Variants in NELL1 observed in about 807,000 individuals in gnomAD.
NELL1 encodes the protein neural EGFL like 1, also known as protein kinase C-binding protein NELL1.
Under a neutral mutation model 107.4 loss-of-function variants are expected in NELL1, and 76 were observed. The observed-to-expected ratio is 0.71, with a 90% CI of 0.59 to 0.86. The LOEUF (loss-of-function observed/expected upper bound fraction) is 0.86. Among genes scored for constraint, NELL1 ranks in the 40% least tolerant of loss-of-function variants. The pLI is 0.00. For missense variants in NELL1, 1,024 were observed against 1,005.5 expected (o/e 1.02, Z -0.25); for synonymous variants, 353 against 341.2 (o/e 1.03, Z -0.38).
intron 2 of NELL1, among the ~76,000 whole-genome samples, chr11:20,773,108 C>T (rs1053749211): frequency 2.6e-5 from 4 of 152,178 alleles, no homozygotes; most frequent in African/African-American, 7.2e-5. Flanking sequence ...ACCATGCCTC[C>T]AACCCTGGCT....
chr11:21,178,918 A>G (rs1045923625), intron 13 of NELL1, among the ~76,000 whole-genome samples: 21 of 151,838 alleles, frequency 1.4e-4, no homozygotes, highest in African/African-American at 4.9e-4. Context: ...AGAGATGGGA[A>G]AGAATGGCTT....
rs148321874 is a variant in NELL1 at position 21,186,841 on chromosome 11, A to C, written c.1427-42491A>C. Among the ~76,000 whole-genome samples the C allele has an allele frequency of 2.5e-3, 376 of 151,938 alleles. 3 individuals carry two copies. Among genetic ancestry groups the C allele is most frequent in the Non-Finnish European group, 4.1e-3 (279 of 68,020 alleles). ...TGTAGGAGAAAGGGAAAAATAAACA[A>C]AAAGCTGCATTTCTACAAACCCTCA... On this transcript the variant is annotated intron_variant, in intron 13 of 19. Transcript: ENST00000357134.
chr11:21,018,074 G>T (rs1852610981), intron 12 of NELL1, among the ~76,000 whole-genome samples: 1 of 152,084 alleles, frequency 6.6e-6, no homozygotes. Context: ...GTCGCATTTG[G>T]AGAGTCCTCT....
chr11:20,687,478 A>T (rs573534817), intron 2 of NELL1, among the ~76,000 whole-genome samples: 1 of 152,144 alleles, frequency 6.6e-6, no homozygotes, highest in Non-Finnish European at 1.5e-5. Context: ...ATGTATAAAC[A>T]TTTACAATTT....
intron 2 of NELL1, among the ~76,000 whole-genome samples, chr11:20,699,993 A>G (rs1023281302): frequency 6.6e-6 from 1 of 151,944 alleles, no homozygotes; most frequent in Non-Finnish European, 1.5e-5. Flanking sequence ...GTAAGGTGGT[A>G]TCTCATTGTG....
At chr11:21,332,553 T>G (rs758929228) in intron 14 of NELL1, among the ~76,000 whole-genome samples, 3 of 152,028 alleles carry the variant, frequency 2.0e-5, no homozygotes, top group Non-Finnish European at 2.9e-5. Flanking sequence ...TTTATACAAT[T>G]ATGATTGCTT....
intron 16 of NELL1, among the ~76,000 whole-genome samples, chr11:21,550,736 T>C (rs1046718859): frequency 2.3e-4 from 35 of 152,248 alleles, no homozygotes; most frequent in Non-Finnish European, 4.3e-4. Context: ...CTGTTTTGGT[T>C]ACTGTAGCCT....
intron 5 of NELL1, among the ~76,000 whole-genome samples, chr11:20,906,723 G>C (rs1201686079): frequency 6.6e-6 from 1 of 151,694 alleles, no homozygotes; most frequent in Admixed American, 6.6e-5. Flanking sequence ...CACATTAATA[G>C]AATAAAGGAA....
At chr11:20,755,877 T>TG (rs1856270232) in intron 2 of NELL1, among the ~76,000 whole-genome samples, 1 of 5,144 alleles carries the variant, frequency 1.9e-4, no homozygotes, top group Non-Finnish European at 7.0e-4. Context: ...TTTTTTTTTT[T>TG]TTTTTTTTTT....
At chr11:20,732,034 C>A (rs1855657671) in intron 2 of NELL1, among the ~76,000 whole-genome samples, 1 of 152,180 alleles carries the variant, frequency 6.6e-6, no homozygotes, top group Non-Finnish European at 1.5e-5. Flanking sequence ...ATGGAGTCCT[C>A]TGGGACCCAT....
At chr11:21,353,272 A>G (rs986045885) in intron 14 of NELL1, among the ~76,000 whole-genome samples, 1 of 152,188 alleles carries the variant, frequency 6.6e-6, no homozygotes, top group Non-Finnish European at 1.5e-5. Context: ...TGAACAGTGG[A>G]AAGTAAAAAT....
rs890686185 is a variant in NELL1, at chr11:20,784,666, T to C, written c.335+836T>C. 5.9e-5 allele frequency among the ~76,000 whole-genome samples: 9 copies of C among 152,330 alleles called. No homozygotes were observed. In the East Asian group the frequency reaches 7.7e-4, roughly 13 times the overall value. On this transcript the variant is annotated intron_variant, in intron 3 of 19. Transcript: ENST00000357134. ...TTTAAGTTTAAGAAAGATCACTCAA[T>C]CATTGAATTCAAATTAATAATCATT...
intron 13 of NELL1, among the ~76,000 whole-genome samples, chr11:21,128,841 CTGTT>C (rs1855549818): frequency 6.6e-6 from 1 of 152,146 alleles, no homozygotes; most frequent in African/African-American, 2.4e-5. Context: ...CTCAAGCAAA[CTGTT>C]TATTTTTTAG....
At chr11:21,438,155 GC>G (rs528994196) in intron 15 of NELL1, among the ~76,000 whole-genome samples, 62 of 152,026 alleles carry the variant, frequency 4.1e-4, no homozygotes, top group Admixed American at 1.6e-3. Flanking sequence ...TTTCTGTAGT[GC>G]CACTCTATTG....
intron 12 of NELL1, among the ~76,000 whole-genome samples, chr11:20,981,368 A>AT (rs374780551): frequency 1.5e-3 from 226 of 152,294 alleles, no homozygotes; most frequent in African/African-American, 5.1e-3. Flanking sequence ...CATCAAAGGT[A>AT]TGTGGGTATG....
At chr11:21,536,920 A>G (rs1564947753) in intron 16 of NELL1, among the ~76,000 whole-genome samples, 1 of 152,152 alleles carries the variant, frequency 6.6e-6, no homozygotes. Context: ...GCTGAGTGGC[A>G]TGTCTGAAGG....
chr11:21,224,721 T>G lies in NELL1; in HGVS notation c.1427-4611T>G, dbSNP rs1252643171. Among the ~76,000 whole-genome samples the G allele has an allele frequency of 8.5e-5, 13 of 152,342 alleles. 1 individual carries two copies. The highest frequency in any genetic ancestry group is 1.2e-4 in the Non-Finnish European group (8 of 68,022). On this transcript the variant is annotated intron_variant, in intron 13 of 19. Transcript: ENST00000357134. ...TCTTCAAGTTTAGAAATTATTCTGC[T>G]TGAACTAGCCTATTATTGACATTCT...
At chr11:21,100,165 C>T (rs925676735) in intron 12 of NELL1, among the ~76,000 whole-genome samples, 30 of 152,014 alleles carry the variant, frequency 2.0e-4, no homozygotes, top group African/African-American at 6.8e-4. Flanking sequence ...TAGAGACATG[C>T]AGCACCACGC....
At chr11:21,091,053 G>A (rs1854508656) in intron 12 of NELL1, among the ~76,000 whole-genome samples, 1 of 152,112 alleles carries the variant, frequency 6.6e-6, no homozygotes. Flanking sequence ...ACATTTTCTG[G>A]CACATAATAG....
Sources: allele counts gnomAD v4.1 joint callset (sites outside exome capture counted in the v4.1 genomes callset), GRCh38; gene constraint gnomAD v4.1.1; transcripts MANE v1.5; gene names NCBI Gene and HGNC (gene_info 2026-07-23, HGNC 2026-07-21).